The following ATRNL1 variants were observed in gnomAD, a reference collection of about 807,000 sequenced individuals.
The protein encoded by ATRNL1 is attractin-like protein 1.
ATRNL1 carries 95 observed loss-of-function variants against 182.7 expected under a neutral mutation model. The ratio of observed to expected loss-of-function variants is 0.52; its 90% CI spans 0.44 to 0.62. The LOEUF (loss-of-function observed/expected upper bound fraction) is 0.62, where lower values mean the gene tolerates loss of function less well. Among genes scored for constraint, ATRNL1 ranks in the 20% least tolerant of loss-of-function variants. The pLI is 0.00. For synonymous variants in ATRNL1, 576 were observed against 568.3 expected, an observed-to-expected ratio of 1.01 and a Z score of -0.19; for missense variants, 1,471 against 1,679.5, an observed-to-expected ratio of 0.88 and a Z score of 2.17.
At chr10:115,421,835 T>C (rs782781980) in intron 20 of ATRNL1, among the ~76,000 whole-genome samples, 4 of 152,144 alleles carry the variant, frequency 2.6e-5, no homozygotes, top group Non-Finnish European at 5.9e-5. Flanking sequence ...ATGGTACTTA[T>C]ACAAAGACAG....
intron 26 of ATRNL1, among the ~76,000 whole-genome samples, chr10:115,630,706 A>G (rs1434404200): frequency 2.0e-5 from 3 of 148,028 alleles, no homozygotes; most frequent in African/African-American, 4.9e-5. Flanking sequence ...TATTATATCC[A>G]TATTGAATAG....
intron 1 of ATRNL1, among the ~76,000 whole-genome samples, chr10:115,117,973 T>A (rs1307226884): frequency 6.6e-6 from 1 of 152,202 alleles, no homozygotes; most frequent in Admixed American, 6.5e-5. Context: ...CACCTTTTCA[T>A]GTACGTATTT....
In ATRNL1 at chr10:115,646,956, C is replaced by T. The variant is rs545756394; in HGVS notation, c.3796-80292C>T. On this transcript the variant is annotated intron_variant, in intron 26 of 28. Transcript: ENST00000355044. ...TAGCCCTCCCCCCTCCCCCCCTCCC[C>T]CCACCCCACAACAGGCCCTGGTGTG... Among the ~76,000 whole-genome samples, 79 of 124,402 alleles carry T rather than the reference C, an allele frequency of 6.4e-4. 1 individual carries two copies. Among genetic ancestry groups the T allele is most frequent in the African/African-American group, 2.1e-3 (70 of 33,826 alleles). 81.6% of individuals were successfully genotyped at this position (124,402 alleles called of 152,430 possible). A position where few individuals can be genotyped will look rare whatever the true frequency, so the allele number is the denominator to read the frequency against.
chr10:115,583,232 C>A (rs77643935), intron 26 of ATRNL1, among the ~76,000 whole-genome samples: 33,582 of 132,014 alleles, frequency 0.25, 5,623 homozygotes, highest in East Asian at 0.66. Flanking sequence ...GATGCGGGCT[C>A]TTTTTTGGTT....
chr10:115,408,847 T>C (rs1381360697), intron 20 of ATRNL1, among the ~76,000 whole-genome samples: 1 of 152,194 alleles, frequency 6.6e-6, no homozygotes, highest in African/African-American at 2.4e-5. Context: ...CCAAGTCATC[T>C]TTGTTCTTGG....
chr10:115,913,993 A>G (rs1952765896), intron 28 of ATRNL1, among the ~76,000 whole-genome samples: 2 of 152,116 alleles, frequency 1.3e-5, no homozygotes, highest in Admixed American at 6.5e-5. Context: ...TCTAATCCCC[A>G]CGTTTTGGGG....
chr10:115,333,953 A>G (rs1170473952), intron 18 of ATRNL1, among the ~76,000 whole-genome samples: 1 of 152,128 alleles, frequency 6.6e-6, no homozygotes, highest in Non-Finnish European at 1.5e-5. Flanking sequence ...CCTTGTGTTT[A>G]TATAACTTAA....
chr10:115,656,452 G>T (rs1287821475), intron 26 of ATRNL1, among the ~76,000 whole-genome samples: 1 of 152,198 alleles, frequency 6.6e-6, no homozygotes, highest in African/African-American at 2.4e-5. Context: ...GTGCATGTTA[G>T]GTTCATTGGC....
intron 27 of ATRNL1, among the ~76,000 whole-genome samples, chr10:115,832,119 G>A (rs1241030937): frequency 6.6e-6 from 1 of 152,134 alleles, no homozygotes; most frequent in African/African-American, 2.4e-5. Context: ...GCCAGAATTG[G>A]CAAAATTAAT....
chr10:115,423,226 A>T (rs1206784804), intron 20 of ATRNL1, among the ~76,000 whole-genome samples: 1 of 152,094 alleles, frequency 6.6e-6, no homozygotes, highest in Non-Finnish European at 1.5e-5. Flanking sequence ...CTTACTATGT[A>T]CCCATAAACA....
chr10:115,730,689 G>A (rs1284617195), intron 27 of ATRNL1, among the ~76,000 whole-genome samples: 1 of 152,094 alleles, frequency 6.6e-6, no homozygotes, highest in East Asian at 1.9e-4. Context: ...TGCTTTTATA[G>A]CTATGGGATT....
At chr10:115,172,149 A>G (rs1166005766) in intron 8 of ATRNL1, among the ~76,000 whole-genome samples, 4 of 151,940 alleles carry the variant, frequency 2.6e-5, no homozygotes, top group Admixed American at 6.6e-5. Flanking sequence ...GAAATACTCC[A>G]CTGTTTCCCT....
intron 26 of ATRNL1, among the ~76,000 whole-genome samples, chr10:115,555,716 C>T (rs923675393): frequency 1.3e-5 from 2 of 151,786 alleles, no homozygotes; most frequent in Non-Finnish European, 2.9e-5. Flanking sequence ...TATGATGTTT[C>T]TATTTGTATA....
At chr10:115,532,175 G>T (rs1554988466) in intron 25 of ATRNL1, among the ~76,000 whole-genome samples, 1 of 152,066 alleles carries the variant, frequency 6.6e-6, no homozygotes, top group African/African-American at 2.4e-5. Flanking sequence ...GAAAGTCATT[G>T]GTAGCTTGAT....
rs182419229 is a variant in ATRNL1, at chr10:115,288,529, T to A, written c.2415+2132T>A. Among the ~76,000 whole-genome samples, 752 of 151,850 alleles carry A rather than the reference T, an allele frequency of 5.0e-3. 4 individuals carry two copies. Among genetic ancestry groups the A allele is most frequent in the African/African-American group, 0.016 (663 of 41,438 alleles). On this transcript the variant is annotated intron_variant, in intron 15 of 28. Transcript: ENST00000355044. ...CACTTGTATGTCTTCTTTTTTTTTT[T>A]TTTATTTTTTTTGAGACAGTCTCGC... is the stretch of plus-strand genomic sequence containing the variant.
At chr10:115,121,937 A>G (rs1844756183) in intron 3 of ATRNL1, 125 bp downstream of exon 3, 1 of 468,196 alleles carries the variant, frequency 2.1e-6, no homozygotes, top group South Asian at 4.1e-5. Context: ...ACAGATGATT[A>G]TAATACTTTG....
At chr10:115,506,702 A>G (rs1393837786) in intron 24 of ATRNL1, among the ~76,000 whole-genome samples, 1 of 152,060 alleles carries the variant, frequency 6.6e-6, no homozygotes, top group Non-Finnish European at 1.5e-5. Flanking sequence ...GATCTCGACC[A>G]AATTTTGGGA....
At chr10:115,852,702 G>T (rs1193225753) in intron 28 of ATRNL1, among the ~76,000 whole-genome samples, 1 of 152,158 alleles carries the variant, frequency 6.6e-6, no homozygotes, top group Non-Finnish European at 1.5e-5. Context: ...AGATACTGGG[G>T]CATAGCCCTT....
At chr10:115,628,714 A>G (rs1555025442) in intron 26 of ATRNL1, among the ~76,000 whole-genome samples, 1 of 152,120 alleles carries the variant, frequency 6.6e-6, no homozygotes, top group East Asian at 1.9e-4. Context: ...TAGCTCTTAT[A>G]ATTAGGTATT....
Sources: gnomAD v4.1 joint callset for allele counts (sites outside exome capture counted in the v4.1 genomes callset) on GRCh38, gnomAD v4.1.1 for gene constraint, MANE v1.5 for transcripts, NCBI Gene and HGNC (gene_info 2026-07-23, HGNC 2026-07-21) for gene names.